Variants in CCDC97 observed in about 807,000 individuals in gnomAD.
CCDC97 encodes the protein coiled-coil domain containing 97.
Under a neutral mutation model 33.9 loss-of-function variants are expected in CCDC97, and 27 were observed. That is an observed-to-expected ratio of 0.80 (90% CI 0.59 to 1.10). CCDC97 has a LOEUF of 1.10. Among genes scored for constraint, CCDC97 ranks in the 50% least tolerant of loss-of-function variants. The pLI, the probability that CCDC97 is intolerant of heterozygous loss-of-function variation, is 0.00. For missense variants in CCDC97, 422 were observed against 476.6 expected, an observed-to-expected ratio of 0.89 and a Z score of 1.07; for synonymous variants, 217 against 194.0, an observed-to-expected ratio of 1.12 and a Z score of -0.99.
intron 3 of CCDC97, 94 bp downstream of exon 3, chr19:41,319,946 CT>C: frequency 1.5e-6 from 1 of 655,196 alleles, no homozygotes. Context: ...GGCCCCCAAC[CT>C]GCAAAAGCCG....
intron 4 of CCDC97, 94 bp downstream of exon 4, chr19:41,320,564 T>G (rs1037918201): frequency 6.6e-7 from 1 of 1,511,984 alleles, no homozygotes; most frequent in Middle Eastern, 1.7e-4. Flanking sequence ...GGGGTCTCCC[T>G]TTGTGGAGCT....
Position 41,320,260 on chromosome 19 carries a change from G to A in CCDC97, c.782-81G>A, listed in dbSNP as rs1403519347. 6.4e-6 allele frequency: 10 copies of A among 1,563,720 alleles called. No homozygotes were observed. In the East Asian group the frequency reaches 2.3e-4, roughly 35 times the overall value. ...ACCCAGCGCAAGGCTGGGCACAGGA[G>A]CAGCAGCTCTCTGTGGACTCTGTGC... On this transcript the variant is annotated intron_variant, in intron 3 of 4. Coordinates refer to ENST00000269967, the MANE Select transcript of CCDC97 (RefSeq NM_052848.3).
At chr19:41,312,508 A>G (rs1170131737) in intron 1 of CCDC97, among the ~76,000 whole-genome samples, 1 of 152,196 alleles carries the variant, frequency 6.6e-6, no homozygotes, top group Non-Finnish European at 1.5e-5. Context: ...CCTGTCTCTC[A>G]GGCTGCTCCT....
In CCDC97 at chr19:41,316,853, A is replaced by C. The variant is rs764854762; in HGVS notation, c.502+14A>C. ...AGCTGATCCAAGGTGTGGGGGCCAG[A>C]TGGGCGACAGTGGGCACATATGGGG... On this transcript the variant is annotated intron_variant, in intron 2 of 4. Transcript: ENST00000269967. The C allele has an allele frequency of 1.2e-5, 19 of 1,568,014 alleles. 1 individual carries two copies. The African/African-American group carries it at 1.5e-4, about 12-fold the overall frequency.
intron 2 of CCDC97, among the ~76,000 whole-genome samples, chr19:41,318,611 C>T (rs1599875119): frequency 6.6e-6 from 1 of 152,102 alleles, no homozygotes; most frequent in African/African-American, 2.4e-5. Context: ...TCTGAAGACA[C>T]GGCTAGGACC....
intron 1 of CCDC97, among the ~76,000 whole-genome samples, chr19:41,315,192 C>T (rs1445629225): frequency 1.4e-5 from 2 of 145,732 alleles, no homozygotes; most frequent in Non-Finnish European, 3.0e-5. Context: ...CCCAGCTGCT[C>T]GGGAGGCTGA....
At chr19:41,318,490 C>A (rs561520135) in intron 2 of CCDC97, among the ~76,000 whole-genome samples, 18 of 152,140 alleles carry the variant, frequency 1.2e-4, no homozygotes, top group Admixed American at 2.0e-4. Flanking sequence ...ATGCCACAAA[C>A]AGCTGGGGGT....
chr19:41,319,836 G>A lies in CCDC97; in HGVS notation c.765G>A (p.Glu255=), dbSNP rs763173980. ...GCTTGGAGGAAGAGGAAGAGGAGGA[G>A]GACAGTGACGAGGAAGGTGAGGGCC... is the stretch of plus-strand genomic sequence containing the variant. ...EACLEEEEEE[E]DSDEEDQRSG... is the part of the protein sequence containing the mutation. The change falls in exon 3 of 5, where the codon GAG becomes GAA. Residue 255 remains glutamate, a synonymous_variant. Coordinates refer to ENST00000269967, the MANE Select transcript of CCDC97 (RefSeq NM_052848.3). 7.8e-6 allele frequency: 12 copies of A among 1,535,484 alleles called. No individual in the cohort carries two copies. In the South Asian group the frequency reaches 1.4e-4, roughly 17 times the overall value.
chr19:41,319,554 CCT>C lies in CCDC97; in HGVS notation c.503-19_503-18del, dbSNP rs1334911331. 1 of 1,556,880 alleles carries C rather than the reference CCT, an allele frequency of 6.4e-7. No homozygotes were observed. Among genetic ancestry groups the C allele is most frequent in the South Asian group, 1.2e-5 (1 of 84,460 alleles). On this transcript the variant is annotated intron_variant, in intron 2 of 4. Transcript: ENST00000269967. ...GCTCAGTCGCTCACCCCATGCCCAC[CCT>C]GTCTCTCCTCTGTGCAGGGGGCGAG... is the stretch of plus-strand genomic sequence containing the variant.
At chr19:41,310,725 C>T in intron 1 of CCDC97, 2 of 1,093,160 alleles carry the variant, frequency 1.8e-6, no homozygotes, top group Non-Finnish European at 2.2e-6. Flanking sequence ...CAAGCTGAGC[C>T]TTCCCTTGCT....
intron 1 of CCDC97, among the ~76,000 whole-genome samples, chr19:41,313,887 A>C (rs1426188057): frequency 6.6e-6 from 1 of 152,048 alleles, no homozygotes; most frequent in Admixed American, 6.6e-5. Flanking sequence ...TTTAATAGAG[A>C]GAGGGTTTCA....
At position 41,322,576 on chromosome 19, in the gene CCDC97, C is replaced by A. The variant is rs555525666; in HGVS notation, c.912-19C>A. On this transcript the variant is annotated intron_variant, in intron 4 of 4. Transcript: ENST00000269967. ...GGTCCCAGGGAGACCCAGTCCTTGA[C>A]AGCCTCCTCCTCCTGCAGCACAGTA... 2 of 1,610,018 alleles carry A rather than the reference C, an allele frequency of 1.2e-6. No homozygotes were observed. The highest frequency in any genetic ancestry group is 1.3e-5 in the African/African-American group (1 of 74,996).
chr19:41,320,491 C>T, intron 4 of CCDC97, 21 bp downstream of exon 4: 1 of 1,613,680 alleles, frequency 6.2e-7, no homozygotes, highest in East Asian at 2.2e-5. Flanking sequence ...GCCTCCACCT[C>T]CCCATCCCCC....
chr19:41,314,716 C>T (rs2037724982), intron 1 of CCDC97, among the ~76,000 whole-genome samples: 1 of 152,128 alleles, frequency 6.6e-6, no homozygotes, highest in Non-Finnish European at 1.5e-5. Flanking sequence ...AAATTGCAGC[C>T]TTGGCCAGGC....
chr19:41,320,296 C>A (rs546414971), intron 3 of CCDC97, 45 bp from the exon 4 acceptor site: 1 of 1,609,816 alleles, frequency 6.2e-7, no homozygotes, highest in Non-Finnish European at 8.5e-7. Flanking sequence ...TCAGTGCCTG[C>A]CCGAGTGCAC....
chr19:41,310,756 C>G, intron 1 of CCDC97: 1 of 1,030,790 alleles, frequency 9.7e-7, no homozygotes, highest in Non-Finnish European at 1.2e-6. Flanking sequence ...ATCCTCCTAC[C>G]TTTCCAGGCT....
At chr19:41,314,259 G>C (rs1057264933) in intron 1 of CCDC97, among the ~76,000 whole-genome samples, 1 of 151,518 alleles carries the variant, frequency 6.6e-6, no homozygotes, top group African/African-American at 2.4e-5. Flanking sequence ...CTATTCTCCT[G>C]CCTCAGCCTC....
intron 2 of CCDC97, among the ~76,000 whole-genome samples, chr19:41,317,391 G>A (rs564872842): frequency 1.3e-4 from 20 of 152,316 alleles, no homozygotes; most frequent in South Asian, 6.2e-4. Flanking sequence ...TTAAGTTGCC[G>A]TTAGGGAGAA....
At position 41,320,322 on chromosome 19, in the gene CCDC97, C is replaced by A; in HGVS notation, c.782-19C>A. 6.2e-7 allele frequency: 1 copy of A among 1,613,278 alleles called. No homozygotes were observed. On this transcript the variant is annotated intron_variant, in intron 3 of 4. Transcript: ENST00000269967. ...CCGAGTGCACCCGCATTCACACCCC[C>A]TCTCCTCTCCCTCTGCAGACCAGAG...
Sources: allele counts gnomAD v4.1 joint callset (sites outside exome capture counted in the v4.1 genomes callset), GRCh38; gene constraint gnomAD v4.1.1; transcripts MANE v1.5; gene names NCBI Gene and HGNC (gene_info 2026-07-23, HGNC 2026-07-21).